Variants in PLEKHA7 observed in about 807,000 individuals in gnomAD.
PLEKHA7 encodes pleckstrin homology domain-containing family A member 7.
PLEKHA7 carries 104 observed loss-of-function variants against 170.0 expected under a neutral mutation model. That is an observed-to-expected ratio of 0.61 (90% confidence interval 0.52 to 0.72). PLEKHA7 has a LOEUF of 0.72. Ranked by LOEUF, PLEKHA7 falls within the 30% of genes least tolerant of loss-of-function variation. PLEKHA7 has a pLI of 0.00. For synonymous variants in PLEKHA7, 648 were observed against 660.8 expected, an observed-to-expected ratio of 0.98 and a Z score of 0.30; for missense variants, 1,615 against 1,671.7, an observed-to-expected ratio of 0.97 and a Z score of 0.59.
chr11:16,957,160 AC>A (rs1297892693), intron 3 of PLEKHA7, among the ~76,000 whole-genome samples: 1 of 152,222 alleles, frequency 6.6e-6, no homozygotes, highest in Non-Finnish European at 1.5e-5. Context: ...CCACTTTCAA[AC>A]TAAATTCCAT....
chr11:16,953,722 A>G (rs1440539294), intron 3 of PLEKHA7, among the ~76,000 whole-genome samples: 1 of 152,216 alleles, frequency 6.6e-6, no homozygotes, highest in Non-Finnish European at 1.5e-5. Flanking sequence ...TCCTAAAGGT[A>G]AGTATACTTG....
chr11:16,792,274 G>C (rs1284193116), intron 19 of PLEKHA7, among the ~76,000 whole-genome samples: 6 of 152,176 alleles, frequency 3.9e-5, no homozygotes, highest in African/African-American at 7.2e-5. Flanking sequence ...CAGAGGGTGG[G>C]AAGGAGACAT....
intron 3 of PLEKHA7, among the ~76,000 whole-genome samples, chr11:16,915,547 G>A (rs1455147350): frequency 1.6e-5 from 2 of 126,198 alleles, no homozygotes; most frequent in Admixed American, 1.0e-4. Flanking sequence ...AGAGTGTGAT[G>A]TTCCCCTTCC....
intron 3 of PLEKHA7, among the ~76,000 whole-genome samples, chr11:16,911,409 A>AC (rs1377167301): frequency 3.3e-5 from 5 of 152,224 alleles, no homozygotes; most frequent in Non-Finnish European, 7.3e-5. Flanking sequence ...CAAAGCTCCA[A>AC]CCACAAACAC....
chr11:16,889,199 C>A (rs963432895), intron 3 of PLEKHA7, among the ~76,000 whole-genome samples: 1 of 151,584 alleles, frequency 6.6e-6, no homozygotes, highest in African/African-American at 2.4e-5. Flanking sequence ...TGACATTCTT[C>A]TTCTGGATAA....
rs111918344 is a variant in PLEKHA7, at chr11:16,912,430, T to C, written c.222-41248A>G. Among the ~76,000 whole-genome samples, 283 of 152,310 alleles carry C rather than the reference T, an allele frequency of 1.9e-3. 3 individuals are homozygous for C. Among genetic ancestry groups the C allele is most frequent in the African/African-American group, 6.4e-3 (267 of 41,558 alleles). On this transcript the variant is annotated intron_variant, in intron 3 of 26. Coordinates refer to ENST00000531066, the MANE Select transcript of PLEKHA7 (RefSeq NM_001329630.2). ...AAAGGGAGACAGAAAAAGCTTCCCC[T>C]CTTCAAAAGGATGAATAATACTCTG...
chr11:16,818,783 TTTTC>T (rs1254605055), intron 10 of PLEKHA7, among the ~76,000 whole-genome samples: 16 of 54,192 alleles, frequency 3.0e-4, no homozygotes, highest in Non-Finnish European at 5.9e-4. Flanking sequence ...AGCCATCTTA[TTTTC>T]TTTCTTTTTT....
At chr11:16,864,564 G>A (rs772820546) in intron 4 of PLEKHA7, among the ~76,000 whole-genome samples, 2 of 152,146 alleles carry the variant, frequency 1.3e-5, no homozygotes, top group Non-Finnish European at 2.9e-5. Context: ...TGTCATGGGA[G>A]GGACCCAGTG....
At chr11:16,822,937 G>T (rs1288222027) in intron 10 of PLEKHA7, among the ~76,000 whole-genome samples, 1 of 152,160 alleles carries the variant, frequency 6.6e-6, no homozygotes, top group East Asian at 1.9e-4. Context: ...ACAGTTTCTT[G>T]ACTGTGGACA....
chr11:16,890,068 G>A (rs1180491520), intron 3 of PLEKHA7, among the ~76,000 whole-genome samples: 1 of 152,098 alleles, frequency 6.6e-6, no homozygotes, highest in Non-Finnish European at 1.5e-5. Context: ...CATAAATGAA[G>A]GAGAAATAAA....
At chr11:16,780,285 C>G (rs1043587108) in intron 26 of PLEKHA7, among the ~76,000 whole-genome samples, 5 of 152,254 alleles carry the variant, frequency 3.3e-5, no homozygotes, top group Non-Finnish European at 5.9e-5. Context: ...TCATCCCACA[C>G]TGCCTCTCAT....
chr11:16,816,327 A>G (rs10832684), intron 11 of PLEKHA7, 63 bp from the exon 12 acceptor site: 162,101 of 1,239,362 alleles, frequency 0.13, 11,367 homozygotes, highest in Admixed American at 0.26. Flanking sequence ...CTCCCAGGGA[A>G]GCCGCCCCAT....
chr11:16,797,177 C>T (rs1417814880), intron 17 of PLEKHA7, among the ~76,000 whole-genome samples: 1 of 152,146 alleles, frequency 6.6e-6, no homozygotes, highest in East Asian at 1.9e-4. Context: ...AAAAGAGGTG[C>T]AGAGGGGTCT....
Position 16,848,971 on chromosome 11 carries a change from C to G in PLEKHA7, c.696+2220G>C, listed in dbSNP as rs150718502. Reference sequence around the variant, plus strand: ...CTGCCCCCAGAGCCTACCCTCTGGCCCCTAAAAGAAGGATGCTGCAACTCA... The same window carrying G: ...CTGCCCCCAGAGCCTACCCTCTGGCGCCTAAAAGAAGGATGCTGCAACTCA... On this transcript the variant is annotated intron_variant, in intron 8 of 26. Transcript: ENST00000531066. Among the ~76,000 whole-genome samples the G allele has an allele frequency of 3.5e-3, 538 of 152,248 alleles. 4 individuals carry two copies. Among genetic ancestry groups the G allele is most frequent in the Middle Eastern group, 0.02 (6 of 294 alleles).
chr11:16,984,952 G>C (rs1863637879), intron 3 of PLEKHA7, among the ~76,000 whole-genome samples: 1 of 152,364 alleles, frequency 6.6e-6, no homozygotes, highest in African/African-American at 2.4e-5. Context: ...GCAAGCAACA[G>C]AAGTGGGATT....
chr11:16,893,459 C>T (rs1217770930), intron 3 of PLEKHA7, among the ~76,000 whole-genome samples: 1 of 152,174 alleles, frequency 6.6e-6, no homozygotes, highest in Non-Finnish European at 1.5e-5. Flanking sequence ...CTCTGACACC[C>T]TGGTGCTGCC....
intron 3 of PLEKHA7, among the ~76,000 whole-genome samples, chr11:16,990,690 T>C (rs1863994269): frequency 6.6e-6 from 1 of 152,224 alleles, no homozygotes; most frequent in South Asian, 2.1e-4. Flanking sequence ...TGCCAGGTAG[T>C]CCTGGGCATT....
At chr11:16,899,085 T>C (rs1228782486) in intron 3 of PLEKHA7, among the ~76,000 whole-genome samples, 2 of 152,206 alleles carry the variant, frequency 1.3e-5, no homozygotes, top group Non-Finnish European at 2.9e-5. Flanking sequence ...TCTTAAAATC[T>C]AAATGGAAAA....
At chr11:16,966,918 G>A (rs1862408649) in intron 3 of PLEKHA7, among the ~76,000 whole-genome samples, 1 of 152,100 alleles carries the variant, frequency 6.6e-6, no homozygotes, top group Non-Finnish European at 1.5e-5. Flanking sequence ...AAGAAGAGCT[G>A]CCCCAGCCTT....
Sources: allele counts gnomAD v4.1 joint callset (sites outside exome capture counted in the v4.1 genomes callset), GRCh38; gene constraint gnomAD v4.1.1; transcripts MANE v1.5; gene names NCBI Gene and HGNC (gene_info 2026-07-23, HGNC 2026-07-21).